The following KIF26B variants were observed in gnomAD, a reference collection of about 807,000 sequenced individuals.
KIF26B encodes the protein kinesin family member 26B, also known as kinesin-like protein KIF26B.
A neutral mutation model predicts 151.2 loss-of-function variants in KIF26B; 63 were observed. That is an observed-to-expected ratio of 0.42 (90% CI 0.34 to 0.51). The LOEUF is 0.51. KIF26B is among the 20% of genes least tolerant of loss of function. The probability of loss-of-function intolerance (pLI) is 0.07; values close to 1 mark genes in which losing one functional copy is unlikely to be tolerated. For synonymous variants in KIF26B, 1,357 were observed against 1,262.1 expected (o/e 1.08, Z -1.59); for missense variants, 2,813 against 2,913.6 (o/e 0.97, Z 0.79).
chr1:245,500,849 G>A (rs776345127), intron 4 of KIF26B, among the ~76,000 whole-genome samples: 1 of 152,198 alleles, frequency 6.6e-6, no homozygotes, highest in Non-Finnish European at 1.5e-5. Flanking sequence ...CAGTGAGGAT[G>A]GTGAAATTCA....
At chr1:245,399,998 C>T (rs76494520) in intron 3 of KIF26B, among the ~76,000 whole-genome samples, 4 of 152,014 alleles carry the variant, frequency 2.6e-5, no homozygotes. Flanking sequence ...TTCAAAATAA[C>T]CTTTATAGAT....
chr1:245,415,547 A>T (rs2103033964), intron 3 of KIF26B, among the ~76,000 whole-genome samples: 1 of 152,282 alleles, frequency 6.6e-6, no homozygotes, highest in Non-Finnish European at 1.5e-5. Flanking sequence ...CCGGTCTAAC[A>T]GGGAGGCGCC....
chr1:245,430,548 T>C (rs1290833721), intron 4 of KIF26B, among the ~76,000 whole-genome samples: 5 of 152,030 alleles, frequency 3.3e-5, no homozygotes, highest in Admixed American at 3.3e-4. Flanking sequence ...ATACCTGTAA[T>C]CCTAGCTACT....
At chr1:245,448,844 T>G (rs1659310154) in intron 4 of KIF26B, among the ~76,000 whole-genome samples, 2 of 152,244 alleles carry the variant, frequency 1.3e-5, no homozygotes, top group Admixed American at 1.3e-4. Flanking sequence ...AAACATTTAC[T>G]CAAAAATGTA....
intron 10 of KIF26B, among the ~76,000 whole-genome samples, chr1:245,670,055 C>T (rs895965341): frequency 6.6e-6 from 1 of 151,932 alleles, no homozygotes; most frequent in African/African-American, 2.4e-5. Context: ...GACAGGTGCA[C>T]CACAATCTCA....
At position 245,241,633 on chromosome 1, in the gene KIF26B, A is replaced by C. The variant is rs1670211906; in HGVS notation, c.465+84950A>C. ...GGAGACAGTGACTCACGCTGTGTCC[A>C]CCTGTGTCATCCTGTGGACAGCTGG... On this transcript the variant is annotated intron_variant, in intron 2 of 14. Coordinates refer to ENST00000407071, the MANE Select transcript of KIF26B (RefSeq NM_018012.4). This position sits in a 1 kb window ranked among gnomAD's most constrained non-coding sequence, Gnocchi z 5.0. Among the ~76,000 whole-genome samples the C allele has an allele frequency of 6.6e-6, 1 of 152,198 alleles. No individual in the cohort carries two copies. The highest frequency in any genetic ancestry group is 2.4e-5 in the African/African-American group (1 of 41,454).
intron 4 of KIF26B, among the ~76,000 whole-genome samples, chr1:245,537,912 T>C (rs1661522295): frequency 1.3e-5 from 2 of 152,290 alleles, no homozygotes; most frequent in South Asian, 4.2e-4. Flanking sequence ...TTAAGGATGT[T>C]ATTTAAATCA....
chr1:245,225,449 T>C (rs1204584075), intron 2 of KIF26B, among the ~76,000 whole-genome samples: 1 of 152,248 alleles, frequency 6.6e-6, no homozygotes, highest in African/African-American at 2.4e-5. Flanking sequence ...GATGGCCCTC[T>C]GCAGGAGGGC....
At chr1:245,666,671 G>A (rs2147937713) in intron 10 of KIF26B, among the ~76,000 whole-genome samples, 1 of 152,296 alleles carries the variant, frequency 6.6e-6, no homozygotes, top group South Asian at 2.1e-4. Flanking sequence ...GGCAAGCAGA[G>A]ATGACGCTTG....
At chr1:245,310,965 A>T (rs913962349) in intron 2 of KIF26B, among the ~76,000 whole-genome samples, 1 of 152,120 alleles carries the variant, frequency 6.6e-6, no homozygotes, top group African/African-American at 2.4e-5. Flanking sequence ...AAGTTGTTTG[A>T]CGCTACACTC....
rs139597200 is a variant in KIF26B at position 245,292,753 on chromosome 1, G to A, written c.466-74081G>A. 2.3e-3 allele frequency among the ~76,000 whole-genome samples: 354 copies of A among 152,214 alleles called. 1 individual carries two copies. The highest frequency in any genetic ancestry group is 8.1e-3 in the African/African-American group (338 of 41,530). ...AGTGGCTGGCAGATCACTGTCAGTG[G>A]AGTCAACCAGATGTGTATCTGCTAG... On this transcript the variant is annotated intron_variant, in intron 2 of 14. Coordinates refer to ENST00000407071, the MANE Select transcript of KIF26B (RefSeq NM_018012.4).
At chr1:245,617,921 G>T (rs1034159000) in intron 9 of KIF26B, among the ~76,000 whole-genome samples, 1 of 151,954 alleles carries the variant, frequency 6.6e-6, no homozygotes, top group African/African-American at 2.4e-5. Context: ...CTTCCCACAG[G>T]CCTGCTGCTC....
intron 4 of KIF26B, among the ~76,000 whole-genome samples, chr1:245,464,940 G>C (rs1659745452): frequency 6.6e-6 from 1 of 152,032 alleles, no homozygotes; most frequent in Admixed American, 6.5e-5. Context: ...GCTGCAGGCT[G>C]CCCGGGCACC....
intron 4 of KIF26B, among the ~76,000 whole-genome samples, chr1:245,460,972 G>A (rs1659634132): frequency 6.6e-6 from 1 of 152,228 alleles, no homozygotes; most frequent in Admixed American, 6.5e-5. Flanking sequence ...GAGGCTGATG[G>A]AGAGCTAGGG....
intron 5 of KIF26B, among the ~76,000 whole-genome samples, chr1:245,543,910 T>C (rs1330213098): frequency 6.6e-6 from 1 of 152,124 alleles, no homozygotes; most frequent in Non-Finnish European, 1.5e-5. Context: ...ATCGCGCCAC[T>C]GTACTCCAGC....
chr1:245,267,634 GCACACACACACACACACACACA>G (rs66498609), intron 2 of KIF26B, among the ~76,000 whole-genome samples: 25 of 136,336 alleles, frequency 1.8e-4, no homozygotes, highest in South Asian at 1.1e-3. Context: ...GCTAAGTAAT[GCACACACACACACACACACACA>G]CACACACACA....
At chr1:245,616,007 A>G (rs1201527477) in intron 9 of KIF26B, among the ~76,000 whole-genome samples, 1 of 152,230 alleles carries the variant, frequency 6.6e-6, no homozygotes, top group Non-Finnish European at 1.5e-5. Context: ...AGCCATTAGA[A>G]GAGATCTCTG....
chr1:245,634,955 C>T (rs1219382527), intron 9 of KIF26B, among the ~76,000 whole-genome samples: 1 of 152,038 alleles, frequency 6.6e-6, no homozygotes. Context: ...GCCTGAAGCA[C>T]CTCAGCCTCC....
chr1:245,610,079 A>T (rs2043502635), intron 8 of KIF26B, among the ~76,000 whole-genome samples: 1 of 152,206 alleles, frequency 6.6e-6, no homozygotes, highest in African/African-American at 2.4e-5. Flanking sequence ...TTGCTGTTTG[A>T]CAACAGATGT....
Sources: allele counts gnomAD v4.1 joint callset (sites outside exome capture counted in the v4.1 genomes callset), GRCh38; gene constraint gnomAD v4.1.1; non-coding constraint Gnocchi (gnomAD v3.1); transcripts MANE v1.5; gene names NCBI Gene and HGNC (gene_info 2026-07-23, HGNC 2026-07-21).